RXFP1: variants seen among roughly 807,000 people sequenced by gnomAD.
RXFP1 encodes relaxin receptor 1.
Under a neutral mutation model 89.8 loss-of-function variants are expected in RXFP1, and 73 were observed. That is an observed-to-expected ratio of 0.81 (90% CI 0.67 to 0.99). The LOEUF is 0.99. Ranked by LOEUF, RXFP1 falls within the 50% of genes least tolerant of loss-of-function variation. RXFP1 has a pLI of 0.00. For synonymous variants in RXFP1, 277 were observed against 305.5 expected (o/e 0.91, Z 0.97); for missense variants, 793 against 895.5 (o/e 0.89, Z 1.46).
Position 158,612,199 on chromosome 4 carries a change from G to T in RXFP1, c.606G>T (p.Trp202Cys). Residue 202 changes from tryptophan (W) to cysteine (C), a missense_variant and splice_region_variant, in exon 7 of 18, where the codon TGG (tryptophan) becomes TGT (cysteine). Trp to Cys is a radical substitution (Grantham distance 215). Coordinates refer to ENST00000307765, the MANE Select transcript of RXFP1 (RefSeq NM_021634.4). ...GVFEDLHRLE[W>C]LIIEDNHLSR... ...TTGAAGATCTTCACAGACTAGAATG[G>T]CTGTATGTTTAATTTATGTGGCATT... 1 of 1,610,484 alleles carries T rather than the reference G, an allele frequency of 6.2e-7. No homozygotes were observed. The highest frequency in any genetic ancestry group is 8.5e-7 in the Non-Finnish European group (1 of 1,178,214).
intron 9 of RXFP1, among the ~76,000 whole-genome samples, chr4:158,626,019 A>T (rs1168029532): frequency 6.6e-6 from 1 of 152,080 alleles, no homozygotes; most frequent in African/African-American, 2.4e-5. Context: ...AAAAATTTTG[A>T]TACATTTTTA....
At chr4:158,522,052 T>C (rs766167361) in intron 1 of RXFP1, 27 bp downstream of exon 1, 2 of 1,344,764 alleles carry the variant, frequency 1.5e-6, no homozygotes, top group South Asian at 2.4e-5. Flanking sequence ...TCTAATTTTG[T>C]ATACCTTAGT....
At chr4:158,651,073 A>G (rs912942493) in intron 17 of RXFP1, among the ~76,000 whole-genome samples, 1 of 152,208 alleles carries the variant, frequency 6.6e-6, no homozygotes, top group African/African-American at 2.4e-5. Context: ...GCAGTGAGCC[A>G]TGTTCACACC....
chr4:158,618,003 A>G (rs545263317), intron 9 of RXFP1, among the ~76,000 whole-genome samples: 14 of 152,288 alleles, frequency 9.2e-5, no homozygotes, highest in African/African-American at 2.9e-4. Flanking sequence ...GAGAAATGCT[A>G]TAAAAAGCAA....
rs189821050 is a variant in RXFP1 at position 158,596,163 on chromosome 4, A to G, written c.286+2664A>G. Among the ~76,000 whole-genome samples, 407 of 152,114 alleles carry G rather than the reference A, an allele frequency of 2.7e-3. 2 individuals carry two copies. Among genetic ancestry groups the G allele is most frequent in the African/African-American group, 9.3e-3 (387 of 41,552 alleles). ...TTGGGAAAGGAAAACGTTAATAGAT[A>G]TAATTTAACTGATAATATAATGTTT... On this transcript the variant is annotated intron_variant, in intron 3 of 17. Transcript: ENST00000307765.
intron 9 of RXFP1, among the ~76,000 whole-genome samples, chr4:158,626,111 T>TATAGATAGATAGATAG (rs71587463): frequency 9.5e-5 from 13 of 136,594 alleles, no homozygotes; most frequent in South Asian, 2.4e-4. Flanking sequence ...TAGATATCTA[T>TATAGATAGATAGATAG]ATAGATAGAT....
chr4:158,584,248 C>T (rs1220506320), intron 2 of RXFP1, among the ~76,000 whole-genome samples: 1 of 152,070 alleles, frequency 6.6e-6, no homozygotes, highest in African/African-American at 2.4e-5. Flanking sequence ...GCCTGGCCAA[C>T]ATGGTGAAAC....
At chr4:158,539,337 G>C (rs11736867) in intron 1 of RXFP1, among the ~76,000 whole-genome samples, 132,063 of 152,056 alleles carry the variant, frequency 0.87, 60,357 homozygotes, top group East Asian at 1. Flanking sequence ...ATTGTGGAGT[G>C]GGGGGAGGGG....
intron 8 of RXFP1, among the ~76,000 whole-genome samples, chr4:158,614,235 T>C (rs1764094467): frequency 6.6e-6 from 1 of 152,224 alleles, no homozygotes; most frequent in Non-Finnish European, 1.5e-5. Flanking sequence ...TAAATGAGCG[T>C]TGACTTCCAC....
At chr4:158,639,954 C>T (rs1249345423) in intron 14 of RXFP1, among the ~76,000 whole-genome samples, 2 of 152,152 alleles carry the variant, frequency 1.3e-5, no homozygotes, top group Non-Finnish European at 2.9e-5. Context: ...ATCTATGAAA[C>T]ATGTGGTCCC....
At chr4:158,561,630 T>C (rs962697774) in intron 1 of RXFP1, among the ~76,000 whole-genome samples, 123 of 142,460 alleles carry the variant, frequency 8.6e-4, no homozygotes, top group African/African-American at 3.1e-3. Context: ...TTTTTTCTTT[T>C]TTTTTTTTTT....
At chr4:158,584,942 C>T (rs1370845989) in intron 2 of RXFP1, among the ~76,000 whole-genome samples, 1 of 152,170 alleles carries the variant, frequency 6.6e-6, no homozygotes, top group Admixed American at 6.5e-5. Flanking sequence ...CGTTGGCAGA[C>T]ATCTAATCAC....
chr4:158,577,364 T>C (rs551266266), intron 2 of RXFP1, among the ~76,000 whole-genome samples: 1 of 152,284 alleles, frequency 6.6e-6, no homozygotes, highest in South Asian at 2.1e-4. Context: ...AACATCCATA[T>C]GTAAATTCTG....
intron 1 of RXFP1, among the ~76,000 whole-genome samples, chr4:158,525,395 G>T (rs1436363024): frequency 1.3e-5 from 2 of 152,180 alleles, no homozygotes; most frequent in African/African-American, 4.8e-5. Flanking sequence ...ATTTTGTGTT[G>T]TTTTTACTAC....
intron 5 of RXFP1, 32 bp downstream of exon 5, chr4:158,605,171 T>G (rs764084527): frequency 7.4e-7 from 1 of 1,355,272 alleles, no homozygotes. Context: ...GGTATTACAA[T>G]TAACTAGCAT....
At chr4:158,623,526 A>AAAAAAAAAAAAAAC (rs1766084412) in intron 9 of RXFP1, among the ~76,000 whole-genome samples, 1 of 146,544 alleles carries the variant, frequency 6.8e-6, no homozygotes, top group Non-Finnish European at 1.5e-5. Context: ...AAAAAAAAAA[A>AAAAAAAAAAAAAAC]GATAATCCAC....
Position 158,612,950 on chromosome 4 carries a change from G to A in RXFP1, c.680+588G>A, listed in dbSNP as rs546050481. Among the ~76,000 whole-genome samples, 3 of 152,170 alleles carry A rather than the reference G, an allele frequency of 2.0e-5. No individual in the cohort carries two copies. In the South Asian group the frequency reaches 6.2e-4, roughly 32 times the overall value. On this transcript the variant is annotated intron_variant, in intron 8 of 17. Coordinates refer to ENST00000307765, the MANE Select transcript of RXFP1 (RefSeq NM_021634.4). ...AAGCACATCGTTACTGTCTATACAG[G>A]CAGACCTCAGTGATATTGTGGGTGT... is the stretch of plus-strand genomic sequence containing the variant.
chr4:158,525,325 A>G (rs541289617), intron 1 of RXFP1, among the ~76,000 whole-genome samples: 2 of 152,072 alleles, frequency 1.3e-5, no homozygotes, highest in East Asian at 3.9e-4. Context: ...CTTTTAGGGT[A>G]ACATGCGTGG....
chr4:158,618,045 CCT>C (rs1267056260), intron 9 of RXFP1, among the ~76,000 whole-genome samples: 4 of 152,044 alleles, frequency 2.6e-5, no homozygotes, highest in African/African-American at 9.7e-5. Context: ...TAATCTGCAA[CCT>C]CTCAGAAAAA....
Sources: allele counts gnomAD v4.1 joint callset (sites outside exome capture counted in the v4.1 genomes callset), GRCh38; gene constraint gnomAD v4.1.1; transcripts MANE v1.5; gene names NCBI Gene and HGNC (gene_info 2026-07-23, HGNC 2026-07-21).